KIAA1217: variants seen among roughly 807,000 people sequenced by gnomAD.
KIAA1217 encodes KIAA1217.
KIAA1217 carries 88 observed loss-of-function variants against 163.9 expected under a neutral mutation model. That is an observed-to-expected ratio of 0.54 (90% CI 0.45 to 0.64). The LOEUF (loss-of-function observed/expected upper bound fraction) is 0.64, where lower values mean the gene tolerates loss of function less well. KIAA1217 is among the 30% of genes least tolerant of loss of function. The pLI, the probability that KIAA1217 is intolerant of heterozygous loss-of-function variation, is 0.00. For synonymous variants in KIAA1217, 903 were observed against 923.1 expected (o/e 0.98, Z 0.39); for missense variants, 2,372 against 2,475.0 (o/e 0.96, Z 0.88).
intron 5 of KIAA1217, among the ~76,000 whole-genome samples, chr10:24,450,308 A>T (rs1327103071): frequency 6.6e-6 from 1 of 152,226 alleles, no homozygotes; most frequent in Non-Finnish European, 1.5e-5. Context: ...TCTTGAAAAA[A>T]TTTTAAAGAA....
chr10:23,830,895 A>G (rs1231227522), intron 1 of KIAA1217, among the ~76,000 whole-genome samples: 1 of 152,024 alleles, frequency 6.6e-6, no homozygotes, highest in Non-Finnish European at 1.5e-5. Context: ...TACAAAACAG[A>G]TGTGAAACTG....
chr10:24,054,317 T>C (rs1336172331), intron 2 of KIAA1217, among the ~76,000 whole-genome samples: 1 of 152,156 alleles, frequency 6.6e-6, no homozygotes, highest in Non-Finnish European at 1.5e-5. Flanking sequence ...ACAGAAGCTA[T>C]AGACATAAAT....
At chr10:24,275,642 T>C (rs1277262129) in intron 2 of KIAA1217, 1 of 472,352 alleles carries the variant, frequency 2.1e-6, no homozygotes. Context: ...TAGTCTCAAG[T>C]ATGTTTTTTT....
At chr10:23,995,059 A>T (rs377000054) in intron 1 of KIAA1217, among the ~76,000 whole-genome samples, 2 of 152,338 alleles carry the variant, frequency 1.3e-5, no homozygotes, top group East Asian at 3.9e-4. Flanking sequence ...ATTAAAATTT[A>T]AAAGAGCCCA....
chr10:24,351,046 C>G (rs7913170), intron 2 of KIAA1217, among the ~76,000 whole-genome samples: 41,659 of 151,800 alleles, frequency 0.27, 6,269 homozygotes, highest in Middle Eastern at 0.37. Flanking sequence ...CTCCTGGGTT[C>G]AAGCAATTCT....
chr10:24,394,440 T>G (rs1224013014), intron 3 of KIAA1217, among the ~76,000 whole-genome samples: 2 of 145,222 alleles, frequency 1.4e-5, no homozygotes, highest in Non-Finnish European at 3.0e-5. Context: ...TTGCCCACTC[T>G]CGGGTTTTGT....
At chr10:24,257,275 A>G (rs756288056) in intron 2 of KIAA1217, among the ~76,000 whole-genome samples, 6 of 152,112 alleles carry the variant, frequency 3.9e-5, no homozygotes, top group Non-Finnish European at 7.4e-5. Context: ...AAACAAAGAT[A>G]TTTACTAGAG....
intron 5 of KIAA1217, among the ~76,000 whole-genome samples, chr10:24,449,917 C>G (rs1300854319): frequency 6.6e-6 from 1 of 152,188 alleles, no homozygotes; most frequent in East Asian, 1.9e-4. Context: ...TGCACACTGC[C>G]TAGAAGAAAA....
intron 2 of KIAA1217, among the ~76,000 whole-genome samples, chr10:24,301,126 T>C (rs1378215825): frequency 6.6e-6 from 1 of 152,136 alleles, no homozygotes; most frequent in Admixed American, 6.6e-5. Context: ...TCTGCATTCC[T>C]AATGCTACTT....
intron 5 of KIAA1217, among the ~76,000 whole-genome samples, chr10:24,441,309 G>T (rs1409564574): frequency 6.6e-6 from 1 of 152,104 alleles, no homozygotes; most frequent in Non-Finnish European, 1.5e-5. Flanking sequence ...CAATAAACAT[G>T]CATGTCATGA....
chr10:24,215,615 T>A lies in KIAA1217; in HGVS notation c.71-4011T>A, dbSNP rs144852414. Among the ~76,000 whole-genome samples the A allele has an allele frequency of 3.5e-3, 536 of 152,306 alleles. 13 individuals are homozygous for A. In the East Asian group the frequency reaches 0.053, roughly 15 times the overall value. ...TGATCCCTCTCTAGTTTGTAATCAT[T>A]CTTAGTTTTTCTCCACTGAAAAGAC... On this transcript the variant is annotated intron_variant, in intron 1 of 20. Transcript: ENST00000376454.
chr10:24,439,650 C>CTTT (rs60419075), intron 5 of KIAA1217, among the ~76,000 whole-genome samples: 3 of 143,056 alleles, frequency 2.1e-5, no homozygotes, highest in Admixed American at 1.4e-4. Context: ...AGAATCTTTT[C>CTTT]TTTTTTTTTT....
intron 2 of KIAA1217, among the ~76,000 whole-genome samples, chr10:24,101,978 A>G (rs2062433900): frequency 6.6e-6 from 1 of 152,218 alleles, no homozygotes; most frequent in African/African-American, 2.4e-5. Flanking sequence ...ATAGTTGCAC[A>G]ATTCTGTGAC....
chr10:24,084,424 A>G (rs1349015076), intron 2 of KIAA1217, among the ~76,000 whole-genome samples: 2 of 152,190 alleles, frequency 1.3e-5, no homozygotes, highest in African/African-American at 2.4e-5. Flanking sequence ...TGCCCTTCCT[A>G]TGTGCCTGAC....
In KIAA1217 at chr10:24,544,016, C is replaced by G; in HGVS notation, c.4746C>G (p.Leu1582=). Reference sequence around the variant, plus strand: ...AATTCAAATTCCCTAAGAAGCAACTCGCCGCTCTCACTCAAGCCATTCGCA... The same window carrying G: ...AATTCAAATTCCCTAAGAAGCAACTGGCCGCTCTCACTCAAGCCATTCGCA... ...KFKFKFPKKQ[L]AALTQAIRTG... The change falls in exon 19 of 21, where the codon CTC becomes CTG. Residue 1582 remains leucine (L), a synonymous_variant. Coordinates refer to ENST00000376454, the MANE Select transcript of KIAA1217 (RefSeq NM_019590.5). The G allele has an allele frequency of 6.2e-7, 1 of 1,614,154 alleles. No homozygotes were observed. The highest frequency in any genetic ancestry group is 8.5e-7 in the Non-Finnish European group (1 of 1,180,034).
At position 24,544,071 on chromosome 10, in the gene KIAA1217, C is replaced by G; in HGVS notation, c.4801C>G (p.Gln1601Glu). 1 of 1,614,084 alleles carries G rather than the reference C, an allele frequency of 6.2e-7. No individual in the cohort carries two copies. The highest frequency in any genetic ancestry group is 1.1e-5 in the South Asian group (1 of 91,062). Residue 1601 changes from glutamine (Q) to glutamate (E), a missense_variant, in exon 19 of 21, where the codon CAA (glutamine) becomes GAA (glutamate). Transcript: ENST00000376454. The part of the protein sequence containing the change: ...TGTKTGKKTL[Q>E]VVVYEEEEED... ...AACTAAAACAGGGAAGAAGACTTTG[C>G]AAGTGGTAGTCTATGAAGAAGAGGA...
intron 2 of KIAA1217, among the ~76,000 whole-genome samples, chr10:24,336,250 T>C (rs1422459548): frequency 6.6e-6 from 1 of 152,120 alleles, no homozygotes; most frequent in Non-Finnish European, 1.5e-5. Flanking sequence ...CTCTAATTAA[T>C]TAATTACTTA....
intron 1 of KIAA1217, among the ~76,000 whole-genome samples, chr10:23,844,115 G>A (rs1211503410): frequency 6.6e-6 from 1 of 152,042 alleles, no homozygotes; most frequent in Non-Finnish European, 1.5e-5. Flanking sequence ...ATCTTTTTAT[G>A]TTTAGCAACC....
At chr10:24,357,694 G>A (rs1223925730) in intron 2 of KIAA1217, among the ~76,000 whole-genome samples, 2 of 152,154 alleles carry the variant, frequency 1.3e-5, no homozygotes, top group Non-Finnish European at 2.9e-5. Flanking sequence ...CAAGGAAGGG[G>A]CGTTTTAGTG....
Sources: allele counts gnomAD v4.1 joint callset (sites outside exome capture counted in the v4.1 genomes callset), GRCh38; gene constraint gnomAD v4.1.1; transcripts MANE v1.5; gene names NCBI Gene and HGNC (gene_info 2026-07-23, HGNC 2026-07-21).